Variants in ZSCAN25 observed in about 807,000 individuals in gnomAD.
ZSCAN25 encodes the protein zinc finger and SCAN domain containing 25.
ZSCAN25 carries 27 observed loss-of-function variants against 38.7 expected under a neutral mutation model. The observed-to-expected ratio is 0.70, with a 90% CI of 0.51 to 0.96. The LOEUF is 0.96. Among genes scored for constraint, ZSCAN25 ranks in the 40% least tolerant of loss-of-function variants. The pLI, the probability that ZSCAN25 is intolerant of heterozygous loss-of-function variation, is 0.00. For missense variants in ZSCAN25, 637 were observed against 705.9 expected, an observed-to-expected ratio of 0.90 and a Z score of 1.11; for synonymous variants, 273 against 277.7, an observed-to-expected ratio of 0.98 and a Z score of 0.17.
chr7:99,722,231 C>T, the ZSCAN25 span: 3 of 1,601,234 alleles, frequency 1.9e-6, no homozygotes, highest in Admixed American at 1.7e-5. Context: ...AGACTATCCT[C>T]TGTGCAGTGG....
the ZSCAN25 span, among the ~76,000 whole-genome samples, chr7:99,642,168 T>G: frequency 2.6e-5 from 4 of 152,236 alleles, no homozygotes; most frequent in Non-Finnish European, 5.9e-5. Context: ...ATCTGTCATG[T>G]TTTTAAAACA....
the ZSCAN25 span, among the ~76,000 whole-genome samples, chr7:99,717,802 C>T: frequency 2.0e-5 from 3 of 152,190 alleles, no homozygotes; most frequent in Non-Finnish European, 4.4e-5. Context: ...ATCCCACATG[C>T]CCAGCCACCT....
chr7:99,711,336 T>A, the ZSCAN25 span, among the ~76,000 whole-genome samples: 1 of 152,198 alleles, frequency 6.6e-6, no homozygotes, highest in African/African-American at 2.4e-5. Context: ...TTTGCAACAT[T>A]AATGGCTAGA....
chr7:99,659,822 G>C, the ZSCAN25 span: 1 of 152,070 alleles, frequency 6.6e-6, no homozygotes, highest in East Asian at 1.9e-4. Context: ...TTCGATCTCA[G>C]ACTGCTGTGC....
intron 6 of ZSCAN25, 68 bp from the exon 7 acceptor site, chr7:99,623,989 A>G (rs1470885124): frequency 1.9e-6 from 3 of 1,606,932 alleles, no homozygotes; most frequent in East Asian, 2.2e-5. Context: ...AAGTTGGATT[A>G]CAGACATGAG....
intron 7 of ZSCAN25, among the ~76,000 whole-genome samples, chr7:99,626,051 A>C (rs1315525627): frequency 6.6e-6 from 1 of 152,252 alleles, no homozygotes; most frequent in Non-Finnish European, 1.5e-5. Flanking sequence ...GTGGCTGCCC[A>C]GATCACTTCC....
chr7:99,663,626 T>C, the ZSCAN25 span: 1 of 1,002,140 alleles, frequency 1.0e-6, no homozygotes, highest in East Asian at 1.1e-4. Flanking sequence ...ATCTGTGATA[T>C]GAGGAAAGCA....
the ZSCAN25 span, among the ~76,000 whole-genome samples, chr7:99,689,216 A>T: frequency 6.6e-6 from 1 of 152,236 alleles, no homozygotes; most frequent in East Asian, 1.9e-4. Context: ...CAAAAAATTA[A>T]TGAATCCAGG....
chr7:99,665,101 T>C, the ZSCAN25 span: 5 of 1,328,014 alleles, frequency 3.8e-6, no homozygotes, highest in Non-Finnish European at 4.2e-6. Flanking sequence ...TTATACGATA[T>C]GTGAATTATA....
chr7:99,694,550 A>G, the ZSCAN25 span, among the ~76,000 whole-genome samples: 1 of 151,110 alleles, frequency 6.6e-6, no homozygotes, highest in African/African-American at 2.5e-5. Flanking sequence ...TTGATGTTTT[A>G]CCTGTGCAAA....
Position 99,629,333 on chromosome 7 carries a change from C to T in ZSCAN25, c.948C>T (p.Gly316=), listed in dbSNP as rs532784009. The T allele has an allele frequency of 2.1e-5, 34 of 1,614,202 alleles. No homozygotes were observed. Among genetic ancestry groups the T allele is most frequent in the Middle Eastern group, 3.3e-4 (2 of 6,062 alleles). The part of the protein sequence containing the change: ...LGRVCEQEPG[G]PAGSAPGLPP... Reference sequence around the variant, plus strand: ...GGGTCTGTGAGCAGGAGCCTGGTGGCCCTGCAGGCAGTGCGCCTGGGCTTC... The same window carrying T: ...GGGTCTGTGAGCAGGAGCCTGGTGGTCCTGCAGGCAGTGCGCCTGGGCTTC... Residue 316 remains glycine (G), a synonymous_variant, in exon 8 of 8, where the codon GGC becomes GGT. Transcript: ENST00000394152. This position sits in a 1 kb window ranked among gnomAD's most constrained non-coding sequence, Gnocchi z 5.6.
the ZSCAN25 span, among the ~76,000 whole-genome samples, chr7:99,694,587 G>T: frequency 1.1e-5 from 1 of 92,670 alleles, no homozygotes; most frequent in Middle Eastern, 5.0e-3. Flanking sequence ...GTTTATCTTG[G>T]GGGGTACATC....
At chr7:99,662,805 T>C in the ZSCAN25 span, 1 of 1,613,180 alleles carries the variant, frequency 6.2e-7, no homozygotes, top group East Asian at 2.2e-5. The surrounding 1 kb of genome is among the most constrained non-coding windows in gnomAD (Gnocchi z 4.3). Context: ...TCAGAAGCAC[T>C]CCTTGGTTAC....
the ZSCAN25 span, among the ~76,000 whole-genome samples, chr7:99,689,555 C>T: frequency 6.6e-6 from 1 of 151,932 alleles, no homozygotes; most frequent in Non-Finnish European, 1.5e-5. Flanking sequence ...GTCCAGGACC[C>T]ATCGTCTCAG....
the ZSCAN25 span, chr7:99,735,023 A>C: frequency 6.2e-7 from 1 of 1,614,106 alleles, no homozygotes; most frequent in Non-Finnish European, 8.5e-7. Context: ...AGTTACTCAC[A>C]GATAGAGGAG....
chr7:99,666,260 G>T, the ZSCAN25 span, among the ~76,000 whole-genome samples: 11 of 152,250 alleles, frequency 7.2e-5, no homozygotes, highest in African/African-American at 2.6e-4. Context: ...AGTACCAAAT[G>T]CTTGCTTACC....
At chr7:99,723,500 G>GCACC in the ZSCAN25 span, among the ~76,000 whole-genome samples, 14 of 152,244 alleles carry the variant, frequency 9.2e-5, no homozygotes, top group African/African-American at 3.4e-4. Context: ...CAGTCAGCCT[G>GCACC]CACCCAGGTG....
chr7:99,661,987 A>C, the ZSCAN25 span, among the ~76,000 whole-genome samples: 8 of 152,244 alleles, frequency 5.3e-5, no homozygotes, highest in Non-Finnish European at 1.5e-5. Flanking sequence ...TTCTATATGA[A>C]ACAGTGAAAT....
At chr7:99,680,885 G>A in the ZSCAN25 span, among the ~76,000 whole-genome samples, 1 of 152,192 alleles carries the variant, frequency 6.6e-6, no homozygotes, top group Non-Finnish European at 1.5e-5. Flanking sequence ...TGTATCAGAA[G>A]AACACCCAAC....
Sources: allele counts gnomAD v4.1 joint callset (sites outside exome capture counted in the v4.1 genomes callset), GRCh38; gene constraint gnomAD v4.1.1; non-coding constraint Gnocchi (gnomAD v3.1); transcripts MANE v1.5; gene names NCBI Gene and HGNC (gene_info 2026-07-23, HGNC 2026-07-21).